The following SNAP91 variants were observed in gnomAD, a reference collection of about 807,000 sequenced individuals.
SNAP91 encodes synaptosome associated protein 91.
SNAP91 carries 27 observed loss-of-function variants against 100.3 expected under a neutral mutation model. The ratio of observed to expected loss-of-function variants is 0.27; its 90% confidence interval spans 0.20 to 0.37. The LOEUF is 0.37. Among genes scored for constraint, SNAP91 ranks in the 10% least tolerant of loss-of-function variants. The pLI is 1.00. For missense variants in SNAP91, 986 were observed against 1,123.7 expected, an observed-to-expected ratio of 0.88 and a Z score of 1.75; for synonymous variants, 404 against 398.6, an observed-to-expected ratio of 1.01 and a Z score of -0.16.
chr6:83,556,073 A>G (rs1165751792), intron 29 of SNAP91, 70 bp downstream of exon 29: 1 of 771,970 alleles, frequency 1.3e-6, no homozygotes, highest in African/African-American at 1.7e-5. Flanking sequence ...AATAATGAGT[A>G]CCTCTGAAAT....
Position 83,626,637 on chromosome 6 carries a change from T to C in SNAP91, c.766-3295A>G, listed in dbSNP as rs114737861. Among the ~76,000 whole-genome samples, 948 of 152,194 alleles carry C rather than the reference T, an allele frequency of 6.2e-3. 9 individuals are homozygous for C. The highest frequency in any genetic ancestry group is 0.022 in the African/African-American group (908 of 41,536). Reference sequence around the variant, plus strand: ...GTGGCTATTGTAAATGGGATTGCATTCTTCATCTGGTTCTCAGATTGGAAG... The same window carrying C: ...GTGGCTATTGTAAATGGGATTGCATCCTTCATCTGGTTCTCAGATTGGAAG... On this transcript the variant is annotated intron_variant, in intron 8 of 29. Coordinates refer to ENST00000369694, the MANE Select transcript of SNAP91 (RefSeq NM_001242792.2).
chr6:83,634,224 C>CT (rs1290815545), intron 8 of SNAP91, among the ~76,000 whole-genome samples: 1 of 152,188 alleles, frequency 6.6e-6, no homozygotes, highest in Non-Finnish European at 1.5e-5. Context: ...GCAAAAACGG[C>CT]TTGCTAGGGG....
At chr6:83,571,262 G>C (rs1314165458) in intron 26 of SNAP91, among the ~76,000 whole-genome samples, 1 of 152,100 alleles carries the variant, frequency 6.6e-6, no homozygotes, top group African/African-American at 2.4e-5. Context: ...GTGCCACCAT[G>C]AGCAGCTAAT....
intron 2 of SNAP91, among the ~76,000 whole-genome samples, chr6:83,679,063 C>G (rs2098951011): frequency 6.6e-6 from 1 of 151,436 alleles, no homozygotes; most frequent in African/African-American, 2.4e-5. Flanking sequence ...ACACAAAATA[C>G]AACAATTAAA....
In SNAP91 at chr6:83,669,984, T is replaced by A. The variant is rs533767017; in HGVS notation, c.131-4403A>T. ...ACATATATCTATTTATACGGACATA[T>A]GCCTTCATTTCTCTTGGGTAATTTT... On this transcript the variant is annotated intron_variant, in intron 2 of 29. Coordinates refer to ENST00000369694, the MANE Select transcript of SNAP91 (RefSeq NM_001242792.2). 8.0e-4 allele frequency among the ~76,000 whole-genome samples: 121 copies of A among 152,110 alleles called. 1 individual carries two copies. Among genetic ancestry groups the A allele is most frequent in the African/African-American group, 2.8e-3 (118 of 41,556 alleles).
intron 24 of SNAP91, among the ~76,000 whole-genome samples, chr6:83,576,443 G>A (rs1460304640): frequency 1.3e-5 from 2 of 152,188 alleles, no homozygotes; most frequent in East Asian, 3.8e-4. Flanking sequence ...ACATGATATG[G>A]TTTATGTTGA....
intron 22 of SNAP91, 41 bp downstream of exon 22, chr6:83,591,170 C>T (rs774424276): frequency 1.6e-6 from 2 of 1,252,308 alleles, no homozygotes; most frequent in African/African-American, 1.5e-5. Flanking sequence ...AAAAATATAT[C>T]CAAATTTAAC....
intron 6 of SNAP91, 44 bp downstream of exon 6, chr6:83,658,955 A>C: frequency 1.4e-6 from 2 of 1,417,820 alleles, no homozygotes; most frequent in South Asian, 2.5e-5. Context: ...CAAATGAAAG[A>C]CAACATTGAT....
At chr6:83,575,997 A>T in intron 25 of SNAP91, 26 bp downstream of exon 25, 1 of 1,328,172 alleles carries the variant, frequency 7.5e-7, no homozygotes, top group South Asian at 1.4e-5. Flanking sequence ...CATCAAAAGG[A>T]AATCACATAA....
chr6:83,591,370 G>A, intron 21 of SNAP91, 76 bp from the exon 22 acceptor site: 1 of 947,110 alleles, frequency 1.1e-6, no homozygotes, highest in Non-Finnish European at 1.7e-6. Flanking sequence ...TAAGTATTAT[G>A]TAGAGAAATG....
At chr6:83,567,676 A>G (rs1011487432) in intron 26 of SNAP91, among the ~76,000 whole-genome samples, 1 of 152,246 alleles carries the variant, frequency 6.6e-6, no homozygotes, top group Non-Finnish European at 1.5e-5. Context: ...CAACCCCATC[A>G]AAAAGTGGGT....
chr6:83,704,322 C>A (rs1461814427), intron 2 of SNAP91, among the ~76,000 whole-genome samples: 1 of 151,944 alleles, frequency 6.6e-6, no homozygotes, highest in Admixed American at 6.6e-5. Context: ...ATACAAAGGG[C>A]AACATCACTA....
chr6:83,688,648 CAT>C (rs2099093164), intron 2 of SNAP91, among the ~76,000 whole-genome samples: 1 of 152,012 alleles, frequency 6.6e-6, no homozygotes, highest in Admixed American at 6.5e-5. Context: ...GGACTACAGA[CAT>C]ATGTTATCAC....
intron 8 of SNAP91, among the ~76,000 whole-genome samples, chr6:83,636,353 T>C (rs891159000): frequency 6.6e-6 from 1 of 152,198 alleles, no homozygotes; most frequent in Non-Finnish European, 1.5e-5. Flanking sequence ...GGAGGTTTTG[T>C]TCATTTTGTA....
At chr6:83,606,342 G>A (rs1358698018) in intron 13 of SNAP91, among the ~76,000 whole-genome samples, 1 of 152,098 alleles carries the variant, frequency 6.6e-6, no homozygotes, top group African/African-American at 2.4e-5. Flanking sequence ...AATATATCAA[G>A]TTTGCCTGTA....
chr6:83,570,555 G>T (rs540827191), intron 26 of SNAP91, among the ~76,000 whole-genome samples: 8 of 136,100 alleles, frequency 5.9e-5, no homozygotes, highest in African/African-American at 1.8e-4. Context: ...TTACGGGGTG[G>T]CGGGGGGGGA....
chr6:83,609,886 A>C (rs2095877363), intron 12 of SNAP91, among the ~76,000 whole-genome samples: 1 of 152,216 alleles, frequency 6.6e-6, no homozygotes, highest in African/African-American at 2.4e-5. Flanking sequence ...ACAACTATTA[A>C]AACATTCTAC....
At chr6:83,593,828 A>G in intron 17 of SNAP91, 87 bp from the exon 18 acceptor site, 1 of 1,492,512 alleles carries the variant, frequency 6.7e-7, no homozygotes, top group East Asian at 2.3e-5. Context: ...GAGACACCTT[A>G]TACAGATATT....
intron 16 of SNAP91, among the ~76,000 whole-genome samples, chr6:83,599,834 A>G (rs1484189441): frequency 1.3e-5 from 2 of 152,136 alleles, no homozygotes; most frequent in Non-Finnish European, 2.9e-5. Flanking sequence ...CACCTAGGCT[A>G]AAGTGCAGTG....
Sources: gnomAD v4.1 joint callset for allele counts (sites outside exome capture counted in the v4.1 genomes callset) on GRCh38, gnomAD v4.1.1 for gene constraint, MANE v1.5 for transcripts, NCBI Gene and HGNC (gene_info 2026-07-23, HGNC 2026-07-21) for gene names.